DNAJC1: variants seen among roughly 807,000 people sequenced by gnomAD.
The protein encoded by DNAJC1 is dnaJ homolog subfamily C member 1.
A neutral mutation model predicts 76.6 loss-of-function variants in DNAJC1; 58 were observed. The observed-to-expected ratio is 0.76, with a 90% CI of 0.61 to 0.94. The LOEUF is 0.94. Ranked by LOEUF, DNAJC1 falls within the 40% of genes least tolerant of loss-of-function variation. DNAJC1 has a pLI of 0.00. For synonymous variants in DNAJC1, 258 were observed against 267.9 expected (o/e 0.96, Z 0.36); for missense variants, 689 against 677.3 (o/e 1.02, Z -0.19).
In DNAJC1 at chr10:21,918,785, G is replaced by A. The variant is rs745965765; in HGVS notation, c.723C>T (p.Leu241=). The A allele has an allele frequency of 6.2e-7, 1 of 1,609,302 alleles. No homozygotes were observed. Among genetic ancestry groups the A allele is most frequent in the South Asian group, 1.1e-5 (1 of 90,936 alleles). The change falls in exon 6 of 12, where the codon CTC becomes CTT. Residue 241 remains leucine (L), a synonymous_variant. Transcript: ENST00000376980. The part of the protein sequence containing the change: ...FCLTLKALPH[L]IQDAGQFYAK... ...TAAAAGAGGTACATTTTACCTGGAT[G>A]AGGTGAGGTAATGCTTTTAGTGTAA...
chr10:21,943,961 C>G (rs762098685), intron 1 of DNAJC1, among the ~76,000 whole-genome samples: 7 of 151,654 alleles, frequency 4.6e-5, no homozygotes, highest in African/African-American at 1.5e-4. Flanking sequence ...AAAGCAAAAG[C>G]AACAGAAGCA....
intron 6 of DNAJC1, among the ~76,000 whole-genome samples, chr10:21,907,991 A>G (rs1026321396): frequency 8.7e-6 from 1 of 115,136 alleles, no homozygotes; most frequent in Middle Eastern, 3.4e-3. Context: ...TATATGAAAT[A>G]TATATGAAAT....
intron 8 of DNAJC1, among the ~76,000 whole-genome samples, chr10:21,838,005 T>TG (rs1203254882): frequency 7.3e-6 from 1 of 136,282 alleles, no homozygotes. Flanking sequence ...GGCTGGGAGG[T>TG]GGGGGGCGTC....
chr10:21,808,089 T>C (rs1457128971), intron 8 of DNAJC1, among the ~76,000 whole-genome samples: 1 of 152,170 alleles, frequency 6.6e-6, no homozygotes, highest in East Asian at 1.9e-4. Flanking sequence ...ATGAAGAGCT[T>C]GAAGTTGATC....
At chr10:21,883,518 T>C (rs1167930663) in intron 7 of DNAJC1, among the ~76,000 whole-genome samples, 3 of 152,204 alleles carry the variant, frequency 2.0e-5, no homozygotes, top group Non-Finnish European at 4.4e-5. Flanking sequence ...CTTGTTGACT[T>C]ATTATGGGAT....
At chr10:21,904,849 G>A (rs542818538) in intron 6 of DNAJC1, among the ~76,000 whole-genome samples, 1 of 152,164 alleles carries the variant, frequency 6.6e-6, no homozygotes, top group African/African-American at 2.4e-5. Context: ...TCTCAGATAT[G>A]GAAAGGAGGT....
intron 8 of DNAJC1, among the ~76,000 whole-genome samples, chr10:21,839,552 A>G (rs1835534366): frequency 6.6e-6 from 1 of 152,240 alleles, no homozygotes; most frequent in Non-Finnish European, 1.5e-5. Context: ...CTAAACCAGG[A>G]AGAAGTCGAA....
At chr10:21,912,399 A>C (rs1354885654) in intron 6 of DNAJC1, among the ~76,000 whole-genome samples, 1 of 152,080 alleles carries the variant, frequency 6.6e-6, no homozygotes, top group Non-Finnish European at 1.5e-5. Context: ...TAACTTACAA[A>C]ACTCTATAGT....
intron 11 of DNAJC1, among the ~76,000 whole-genome samples, chr10:21,757,026 A>T (rs1390598309): frequency 6.6e-6 from 1 of 152,198 alleles, no homozygotes; most frequent in Admixed American, 6.5e-5. Flanking sequence ...TAGCATCATA[A>T]TCGGGTCTTT....
At chr10:21,853,044 C>A (rs1835780883) in intron 8 of DNAJC1, among the ~76,000 whole-genome samples, 1 of 152,182 alleles carries the variant, frequency 6.6e-6, no homozygotes, top group African/African-American at 2.4e-5. Flanking sequence ...TTCACCTTTA[C>A]AAAACAGAGC....
chr10:21,826,579 T>C (rs1047927926), intron 8 of DNAJC1, among the ~76,000 whole-genome samples: 1 of 152,214 alleles, frequency 6.6e-6, no homozygotes, highest in Admixed American at 6.5e-5. Context: ...AACTTGCCAA[T>C]TGCAATGTCA....
intron 9 of DNAJC1, among the ~76,000 whole-genome samples, chr10:21,798,101 G>T (rs7093279): frequency 0.033 from 4,965 of 152,236 alleles, 126 homozygotes; most frequent in Middle Eastern, 0.071. Context: ...AATCATTTCC[G>T]CTCACAGTTC....
At chr10:21,767,279 G>C (rs1289704821) in intron 9 of DNAJC1, among the ~76,000 whole-genome samples, 1 of 152,072 alleles carries the variant, frequency 6.6e-6, no homozygotes, top group Non-Finnish European at 1.5e-5. Flanking sequence ...TCCACAGAAA[G>C]AATTTGGTCT....
intron 1 of DNAJC1, among the ~76,000 whole-genome samples, chr10:21,985,602 C>T (rs1432871248): frequency 2.0e-5 from 3 of 152,124 alleles, no homozygotes; most frequent in Non-Finnish European, 2.9e-5. Flanking sequence ...TTCAAATAAC[C>T]GAAATCATAC....
rs573173866 is a variant in DNAJC1 at position 21,997,017 on chromosome 10, A to G, written c.222+6196T>C. 8.5e-5 allele frequency among the ~76,000 whole-genome samples: 13 copies of G among 152,332 alleles called. No individual in the cohort carries two copies. In the East Asian group the frequency reaches 1.3e-3, roughly 16 times the overall value. On this transcript the variant is annotated intron_variant, in intron 1 of 11. Transcript: ENST00000376980. ...TCCAAATTAAAAAAAATTGGATTCT[A>G]CAATAAAAATGGGGAAGCTATTATT...
intron 8 of DNAJC1, among the ~76,000 whole-genome samples, chr10:21,864,552 G>T (rs570581067): frequency 2.0e-5 from 3 of 152,004 alleles, no homozygotes; most frequent in Non-Finnish European, 4.4e-5. Context: ...AACCCGGGGG[G>T]TGGAGGTTGC....
At chr10:21,834,044 C>A (rs1309386342) in intron 8 of DNAJC1, among the ~76,000 whole-genome samples, 1 of 151,902 alleles carries the variant, frequency 6.6e-6, no homozygotes, top group African/African-American at 2.4e-5. Context: ...GTGGGCGGAC[C>A]ACGAGGTCAG....
chr10:21,959,267 G>A (rs2131816136), intron 1 of DNAJC1, among the ~76,000 whole-genome samples: 1 of 151,972 alleles, frequency 6.6e-6, no homozygotes, highest in African/African-American at 2.4e-5. Flanking sequence ...TGGGATTACA[G>A]GTGTCTGCCA....
chr10:21,837,619 G>A (rs1166748082), intron 8 of DNAJC1, among the ~76,000 whole-genome samples: 2 of 151,200 alleles, frequency 1.3e-5, no homozygotes, highest in Non-Finnish European at 3.0e-5. Context: ...GAGAAGTGAG[G>A]AGCCCCTCCG....
Sources: gnomAD v4.1 joint callset for allele counts (sites outside exome capture counted in the v4.1 genomes callset) on GRCh38, gnomAD v4.1.1 for gene constraint, MANE v1.5 for transcripts, NCBI Gene and HGNC (gene_info 2026-07-23, HGNC 2026-07-21) for gene names.